The following KLKB1 variants were observed in gnomAD, a reference collection of about 807,000 sequenced individuals.
KLKB1 encodes the protein plasma kallikrein.
A neutral mutation model predicts 73.6 loss-of-function variants in KLKB1; 58 were observed. The observed-to-expected ratio is 0.79, with a 90% CI of 0.64 to 0.98. The LOEUF (loss-of-function observed/expected upper bound fraction) is 0.98. Ranked by LOEUF, KLKB1 falls within the 50% of genes least tolerant of loss-of-function variation. The pLI is 0.00. For synonymous variants in KLKB1, 280 were observed against 258.1 expected (o/e 1.08, Z -0.81); for missense variants, 737 against 763.8 (o/e 0.96, Z 0.41).
In KLKB1 at chr4:186,250,288, A is replaced by C; in HGVS notation, c.644A>C (p.Asp215Ala). Residue 215 changes from aspartate to alanine, a missense_variant, in exon 7 of 15, where the codon GAT (aspartate) becomes GCT (alanine). Asp to Ala is a moderately radical substitution (Grantham distance 126, BLOSUM62 -2). Transcript: ENST00000264690. The part of the protein sequence containing the change: ...IFQHLAFSDV[D>A]VARVLTPDAF... The stretch of plus-strand genomic sequence containing the variant: ...CAGCATCTTGCGTTCTCAGATGTGG[A>C]TGTTGCCAGGGTTCTCACTCCAGAT... 3 of 1,614,130 alleles carry C rather than the reference A, an allele frequency of 1.9e-6. No homozygotes were observed. The African/African-American group carries it at 4.0e-5, about 22-fold the overall frequency.
intron 6 of KLKB1, among the ~76,000 whole-genome samples, chr4:186,247,489 A>G (rs1738417665): frequency 6.6e-6 from 1 of 152,198 alleles, no homozygotes; most frequent in African/African-American, 2.4e-5. Context: ...TCATCAGTTA[A>G]GGCAGGAACC....
In KLKB1 at chr4:186,258,037, C is replaced by T; in HGVS notation, c.1742C>T (p.Pro581Leu). Residue 581 changes from proline (P) to leucine (L), a missense_variant, in exon 15 of 15, where the codon CCC becomes CTC. Pro to Leu is a moderately conservative substitution (Grantham distance 98, BLOSUM62 -3). Coordinates refer to ENST00000264690, the MANE Select transcript of KLKB1 (RefSeq NM_000892.5). ...GTGACTCAGGGAGATTCAGGTGGTCCCTTAGTTTGCAAACACAATGGAATG... is the reference window on the plus strand; with the variant it reads ...GTGACTCAGGGAGATTCAGGTGGTCTCTTAGTTTGCAAACACAATGGAATG... ...KDACKGDSGG[P>L]LVCKHNGMWR... is the part of the protein sequence containing the mutation. The T allele has an allele frequency of 1.9e-6, 3 of 1,613,874 alleles. No individual in the cohort carries two copies. The highest frequency in any genetic ancestry group is 2.5e-6 in the Non-Finnish European group (3 of 1,179,890).
In KLKB1 at chr4:186,258,461, G is replaced by A. The variant is rs1274760881; in HGVS notation, c.*249G>A. The A allele has an allele frequency of 5.4e-6, 3 of 551,450 alleles. No individual in the cohort carries two copies. Among genetic ancestry groups the A allele is most frequent in the Non-Finnish European group, 9.8e-6 (3 of 306,426 alleles). 34.2% of individuals were successfully genotyped at this position (551,450 alleles called of 1,614,324 possible). On this transcript the variant is annotated 3_prime_UTR_variant, in exon 15 of 15. Coordinates refer to ENST00000264690, the MANE Select transcript of KLKB1 (RefSeq NM_000892.5). ...TGACTGTGTGTTGTGAAATAAAATGGTGAAAGATCACGATTAGCAAGTGTT... is the reference window on the plus strand; with the variant it reads ...TGACTGTGTGTTGTGAAATAAAATGATGAAAGATCACGATTAGCAAGTGTT...
chr4:186,239,835 ATAGT>A (rs1212013580), intron 6 of KLKB1, among the ~76,000 whole-genome samples: 4 of 150,986 alleles, frequency 2.6e-5, no homozygotes, highest in Admixed American at 2.6e-4. Flanking sequence ...TGATACTGTT[ATAGT>A]TATAGGACAG....
chr4:186,249,297 T>C (rs1738544942), intron 6 of KLKB1, among the ~76,000 whole-genome samples: 2 of 152,252 alleles, frequency 1.3e-5, no homozygotes, highest in Admixed American at 6.5e-5. Context: ...CTCTTACATT[T>C]AGGCATTTGA....
chr4:186,245,387 A>G (rs1738276184), intron 6 of KLKB1, among the ~76,000 whole-genome samples: 2 of 152,116 alleles, frequency 1.3e-5, no homozygotes, highest in African/African-American at 4.8e-5. Flanking sequence ...CGCTAAGCCA[A>G]GAAGATCTGG....
In KLKB1 at chr4:186,251,703, T is replaced by A. The variant is rs552291790; in HGVS notation, c.1032-46T>A. On this transcript the variant is annotated intron_variant, in intron 9 of 14. Transcript: ENST00000264690. Reference sequence around the variant, plus strand: ...GTTGACATGACCATTTCATATTCTCTTTCCCCCTGTGAAGGCTTACTCTTT... The same window carrying A: ...GTTGACATGACCATTTCATATTCTCATTCCCCCTGTGAAGGCTTACTCTTT... 3.1e-6 allele frequency: 5 copies of A among 1,606,080 alleles called. No individual in the cohort carries two copies. In the Admixed American group the frequency reaches 8.3e-5, roughly 27 times the overall value.
Position 186,250,315 on chromosome 4 carries a change from C to T in KLKB1, c.671C>T (p.Ala224Val). The T allele has an allele frequency of 6.2e-7, 1 of 1,613,988 alleles. No individual in the cohort carries two copies. Among genetic ancestry groups the T allele is most frequent in the Non-Finnish European group, 8.5e-7 (1 of 1,179,852 alleles). Residue 224 changes from alanine (A) to valine (V), a missense_variant, in exon 7 of 15, where the codon GCT becomes GTT. Ala to Val is a moderately conservative substitution (Grantham distance 64). Transcript: ENST00000264690. Reference sequence around the variant, plus strand: ...GTTGCCAGGGTTCTCACTCCAGATGCTTTTGTGTGTCGGACCATCTGCACC... The same window carrying T: ...GTTGCCAGGGTTCTCACTCCAGATGTTTTTGTGTGTCGGACCATCTGCACC... ...VDVARVLTPD[A>V]FVCRTICTYH...
chr4:186,227,146 G>C (rs1434034414), upstream of KLKB1, among the ~76,000 whole-genome samples: 3 of 152,156 alleles, frequency 2.0e-5, no homozygotes, highest in Admixed American at 6.5e-5. Context: ...GCCCAGGCTT[G>C]AAGGTGAGAT....
In KLKB1 at chr4:186,255,385, A is replaced by AC. The variant is rs1405838113; in HGVS notation, c.1490-603dup. 5.9e-5 allele frequency among the ~76,000 whole-genome samples: 9 copies of AC among 152,078 alleles called. No individual in the cohort carries two copies. In the East Asian group the frequency reaches 1.2e-3, roughly 20 times the overall value. ...AGACCAGCCTGGGCAACACAGTGAGACCCCGTCTCTACATAAAATTAGAAA... is the reference window on the plus strand; with the variant it reads ...AGACCAGCCTGGGCAACACAGTGAGACCCCCGTCTCTACATAAAATTAGAAA... On this transcript the variant is annotated intron_variant, in intron 12 of 14. Coordinates refer to ENST00000264690, the MANE Select transcript of KLKB1 (RefSeq NM_000892.5).
At chr4:186,223,683 A>G (rs1019975437), upstream of KLKB1, among the ~76,000 whole-genome samples, 3 of 152,214 alleles carry the variant, frequency 2.0e-5, no homozygotes, top group Non-Finnish European at 4.4e-5. Context: ...TCACAAAGAG[A>G]TGGTATGAAA....
chr4:186,240,417 G>C lies in KLKB1; in HGVS notation c.598+2052G>C, dbSNP rs547984591. 5.3e-5 allele frequency among the ~76,000 whole-genome samples: 8 copies of C among 152,232 alleles called. No individual in the cohort carries two copies. The South Asian group carries it at 1.5e-3, about 28-fold the overall frequency. ...AGTGATGTTGTAGCAAAACTGTAAG[G>C]TCATTCCTTGGTTGTGTCCCTATCT... On this transcript the variant is annotated intron_variant, in intron 6 of 14. Transcript: ENST00000264690.
At chr4:186,229,012 G>T (rs570907460) in intron 2 of KLKB1, 1 of 152,006 alleles carries the variant, frequency 6.6e-6, no homozygotes, top group Non-Finnish European at 1.5e-5. Flanking sequence ...TTCATAAAGA[G>T]ACCTTTTTTT....
chr4:186,226,679 G>A (rs1022763928), upstream of KLKB1, among the ~76,000 whole-genome samples: 1 of 152,210 alleles, frequency 6.6e-6, no homozygotes, highest in South Asian at 2.1e-4. Flanking sequence ...CTGTTCCTGA[G>A]TTTATTCAGG....
chr4:186,216,933 A>G (rs1736918283), intron 2 of KLKB1, among the ~76,000 whole-genome samples: 2 of 152,188 alleles, frequency 1.3e-5, no homozygotes, highest in South Asian at 4.1e-4. Flanking sequence ...GTGTTTAGTA[A>G]TCTTAACCCC....
chr4:186,251,564 A>G lies in KLKB1; in HGVS notation c.946A>G (p.Asn316Asp), dbSNP rs544912749. 7 of 1,613,966 alleles carry G rather than the reference A, an allele frequency of 4.3e-6. No individual in the cohort carries two copies. The East Asian group carries it at 1.6e-4, about 36-fold the overall frequency. ...ELNVTFVKGV[N>D]VCQETCTKMI... is the part of the protein sequence containing the mutation. ...GAATGTGACTTTTGTTAAAGGAGTG[A>G]ATGTTTGCCAAGAGACTTGCACAAA... is the stretch of plus-strand genomic sequence containing the variant. Residue 316 changes from asparagine to aspartate, a missense_variant, in exon 9 of 15, where the codon AAT becomes GAT. Asn to Asp is a conservative substitution (Grantham distance 23). Transcript: ENST00000264690.
chr4:186,216,719 C>G (rs186960384), intron 2 of KLKB1, among the ~76,000 whole-genome samples: 3 of 152,266 alleles, frequency 2.0e-5, no homozygotes, highest in Non-Finnish European at 2.9e-5. Context: ...TGGCTCTTGT[C>G]CAGAGATGAC....
In KLKB1 at chr4:186,258,123, G is replaced by A. The variant is rs1739118128; in HGVS notation, c.1828G>A (p.Val610Ile). 6.2e-7 allele frequency: 1 copy of A among 1,614,174 alleles called. No individual in the cohort carries two copies. Among genetic ancestry groups the A allele is most frequent in the Non-Finnish European group, 8.5e-7 (1 of 1,180,008 alleles). The part of the protein sequence containing the change: ...EGCARREQPG[V>I]YTKVAEYMDW... ...CTGTGCCCGCAGGGAGCAACCTGGT[G>A]TCTACACCAAAGTCGCTGAGTACAT... The change falls in exon 15 of 15, where the codon GTC becomes ATC. Residue 610 changes from valine (V) to isoleucine (I), a missense_variant. By Grantham distance (29) the Val-to-Ile change is conservative. Transcript: ENST00000264690.
Position 186,236,930 on chromosome 4 carries a change from G to A in KLKB1, c.478G>A (p.Ala160Thr), listed in dbSNP as rs368052024. The A allele has an allele frequency of 6.8e-6, 11 of 1,614,018 alleles. No homozygotes were observed. The highest frequency in any genetic ancestry group is 4.0e-5 in the African/African-American group (3 of 75,008). ...ATATGCCACGCAAACATTTCACAAG[G>A]CAGAGTACCGGTGAGTACAATTCAA... ...FSYATQTFHKAEYRNNCLLKY... is the reference protein window; with the variant it reads ...FSYATQTFHKTEYRNNCLLKY... Residue 160 changes from alanine (A) to threonine (T), a missense_variant, in exon 5 of 15, where the codon GCA becomes ACA. Physicochemically the swap from Ala to Thr is moderately conservative, Grantham distance 58. Transcript: ENST00000264690.
Sources: gnomAD v4.1 joint callset for allele counts (sites outside exome capture counted in the v4.1 genomes callset) on GRCh38, gnomAD v4.1.1 for gene constraint, MANE v1.5 for transcripts, NCBI Gene and HGNC (gene_info 2026-07-23, HGNC 2026-07-21) for gene names.